The following HPSE2 variants were observed in gnomAD, a reference collection of about 807,000 sequenced individuals.
HPSE2 encodes heparanase 2 (inactive).
HPSE2 carries 38 observed loss-of-function variants against 60.5 expected under a neutral mutation model. The ratio of observed to expected loss-of-function variants is 0.63; its 90% confidence interval spans 0.48 to 0.82. The LOEUF (loss-of-function observed/expected upper bound fraction) is 0.82. Ranked by LOEUF, HPSE2 falls within the 40% of genes least tolerant of loss-of-function variation. The pLI is 0.00. For synonymous variants in HPSE2, 295 were observed against 293.2 expected (o/e 1.01, Z -0.06); for missense variants, 713 against 740.4 (o/e 0.96, Z 0.43).
At chr10:98,582,590 T>C (rs1944830585) in intron 9 of HPSE2, among the ~76,000 whole-genome samples, 1 of 152,192 alleles carries the variant, frequency 6.6e-6, no homozygotes, top group Non-Finnish European at 1.5e-5. Flanking sequence ...TTTCAAGCCC[T>C]GTCCCTTCCC....
At chr10:99,269,607 T>C in the HPSE2 span, among the ~76,000 whole-genome samples, 1 of 152,028 alleles carries the variant, frequency 6.6e-6, no homozygotes, top group Non-Finnish European at 1.5e-5. Flanking sequence ...GCAAATGAAC[T>C]TAATGTTACG....
intron 3 of HPSE2, among the ~76,000 whole-genome samples, chr10:99,060,148 T>C (rs1564773646): frequency 6.6e-6 from 1 of 151,732 alleles, no homozygotes; most frequent in South Asian, 2.1e-4. Context: ...GGGAAATAAA[T>C]AACAAAAGAC....
chr10:99,311,756 T>C, the HPSE2 span, among the ~76,000 whole-genome samples: 4 of 152,154 alleles, frequency 2.6e-5, no homozygotes, highest in Non-Finnish European at 5.9e-5. Context: ...AATCAAAAGC[T>C]AGAAATAATT....
At chr10:98,526,610 G>C (rs570099999) in intron 9 of HPSE2, among the ~76,000 whole-genome samples, 1 of 152,316 alleles carries the variant, frequency 6.6e-6, no homozygotes, top group Non-Finnish European at 1.5e-5. Flanking sequence ...GTTTCTAAAA[G>C]ACCTGGAGGC....
At chr10:98,533,739 C>T (rs1943198440) in intron 9 of HPSE2, among the ~76,000 whole-genome samples, 1 of 152,084 alleles carries the variant, frequency 6.6e-6, no homozygotes, top group Non-Finnish European at 1.5e-5. Flanking sequence ...GGGAAGCTGT[C>T]CGGCAGACTT....
chr10:98,619,556 T>C (rs976591145), intron 8 of HPSE2, among the ~76,000 whole-genome samples: 3 of 152,178 alleles, frequency 2.0e-5, no homozygotes, highest in Admixed American at 1.3e-4. Flanking sequence ...AGGCCTCACT[T>C]CCTCTACCGG....
intron 9 of HPSE2, among the ~76,000 whole-genome samples, chr10:98,554,613 TAGAG>T (rs1439164967): frequency 6.6e-6 from 1 of 152,154 alleles, no homozygotes; most frequent in Non-Finnish European, 1.5e-5. Flanking sequence ...TACACAAAGG[TAGAG>T]AGATTGTTTA....
At chr10:99,238,298 CTT>C (rs1321234314), upstream of HPSE2, among the ~76,000 whole-genome samples, 1 of 152,162 alleles carries the variant, frequency 6.6e-6, no homozygotes, top group African/African-American at 2.4e-5. Flanking sequence ...AATACCTATT[CTT>C]GTGACCAAGA....
intron 9 of HPSE2, among the ~76,000 whole-genome samples, chr10:98,496,864 A>C (rs1941857426): frequency 6.6e-6 from 1 of 151,866 alleles, no homozygotes; most frequent in Admixed American, 6.6e-5. Context: ...GACTTTTATC[A>C]CTTTTTATGG....
In HPSE2 at chr10:98,980,405, A is replaced by G. The variant is rs539955781; in HGVS notation, c.610+163833T>C. ...TGTAATTGAGCAAGGAAAAAAAATC[A>G]ATTCATGAATCAGGCAGCCTGAAGA... On this transcript the variant is annotated intron_variant, in intron 3 of 11. Coordinates refer to ENST00000370552, the MANE Select transcript of HPSE2 (RefSeq NM_021828.5). Among the ~76,000 whole-genome samples, 23 of 152,322 alleles carry G rather than the reference A, an allele frequency of 1.5e-4. 1 individual carries two copies. In the South Asian group the frequency reaches 3.7e-3, roughly 25 times the overall value.
chr10:98,911,361 C>A (rs1485592020), intron 3 of HPSE2, among the ~76,000 whole-genome samples: 3 of 152,110 alleles, frequency 2.0e-5, no homozygotes, highest in Non-Finnish European at 4.4e-5. Context: ...AGGCTCCTTG[C>A]ATGTGTAATG....
At chr10:98,749,445 AC>A (rs1290276926) in intron 3 of HPSE2, among the ~76,000 whole-genome samples, 1 of 151,550 alleles carries the variant, frequency 6.6e-6, no homozygotes, top group Non-Finnish European at 1.5e-5. Flanking sequence ...CTGTATATAT[AC>A]ATATATGCAT....
intron 3 of HPSE2, among the ~76,000 whole-genome samples, chr10:98,932,846 G>A (rs1954679340): frequency 7.0e-6 from 1 of 143,374 alleles, no homozygotes; most frequent in Admixed American, 6.9e-5. Context: ...TTCTGATTGT[G>A]TTTATTTGAA....
intron 2 of HPSE2, among the ~76,000 whole-genome samples, chr10:99,194,247 C>G (rs898594946): frequency 6.6e-6 from 1 of 151,502 alleles, no homozygotes; most frequent in East Asian, 1.9e-4. Context: ...GCACAACATA[C>G]CAAAACCTAT....
At chr10:98,476,748 C>A (rs1377540528) in intron 11 of HPSE2, among the ~76,000 whole-genome samples, 1 of 151,954 alleles carries the variant, frequency 6.6e-6, no homozygotes, top group Non-Finnish European at 1.5e-5. Flanking sequence ...TGAGATCACA[C>A]CACTGCACTC....
intron 2 of HPSE2, among the ~76,000 whole-genome samples, chr10:99,153,117 G>A (rs912117624): frequency 1.3e-3 from 199 of 152,296 alleles, no homozygotes; most frequent in African/African-American, 2.1e-3. Flanking sequence ...ACGGAGTCTC[G>A]CTGATTGCTA....
At chr10:98,698,263 A>G (rs1948289931) in intron 5 of HPSE2, among the ~76,000 whole-genome samples, 1 of 101,586 alleles carries the variant, frequency 9.8e-6, no homozygotes, top group Non-Finnish European at 2.3e-5. Flanking sequence ...CAGCAAATGT[A>G]AAAGATCAGA....
chr10:98,857,506 G>A (rs1952346755), intron 3 of HPSE2, among the ~76,000 whole-genome samples: 1 of 152,032 alleles, frequency 6.6e-6, no homozygotes, highest in African/African-American at 2.4e-5. Flanking sequence ...ATTCCCCAGT[G>A]TAGATTAATA....
At chr10:98,752,488 T>C (rs1182627997) in intron 3 of HPSE2, among the ~76,000 whole-genome samples, 2 of 152,212 alleles carry the variant, frequency 1.3e-5, no homozygotes, top group Non-Finnish European at 2.9e-5. Context: ...CATAATTATA[T>C]AAATACTCTT....
Sources: gnomAD v4.1 joint callset for allele counts (sites outside exome capture counted in the v4.1 genomes callset) on GRCh38, gnomAD v4.1.1 for gene constraint, MANE v1.5 for transcripts, NCBI Gene and HGNC (gene_info 2026-07-23, HGNC 2026-07-21) for gene names.